MAP3K20: variants seen among roughly 807,000 people sequenced by gnomAD.
MAP3K20 encodes the protein HCCS-4.
In MAP3K20, 40 loss-of-function variants were observed where a neutral mutation model predicts 85.7. The ratio of observed to expected loss-of-function variants is 0.47; its 90% CI spans 0.36 to 0.61. The LOEUF is 0.61. MAP3K20 is among the 20% of genes least tolerant of loss of function. The probability of loss-of-function intolerance (pLI) is 0.00; values close to 1 mark genes in which losing one functional copy is unlikely to be tolerated. For missense variants in MAP3K20, 817 were observed against 961.7 expected (o/e 0.85, Z 1.99); for synonymous variants, 325 against 327.7 (o/e 0.99, Z 0.09).
chr2:173,254,130 A>G (rs1685104089), intron 16 of MAP3K20, among the ~76,000 whole-genome samples: 2 of 150,360 alleles, frequency 1.3e-5, no homozygotes, highest in Non-Finnish European at 3.0e-5. Flanking sequence ...ATCAGAGTCC[A>G]CTAGGCCAGG....
intron 2 of MAP3K20, among the ~76,000 whole-genome samples, chr2:173,117,665 A>G (rs1688164778): frequency 6.6e-6 from 1 of 152,194 alleles, no homozygotes; most frequent in Admixed American, 6.5e-5. Context: ...ATTACACAGT[A>G]TAGAATAGAA....
chr2:173,196,644 G>C (rs376762976), intron 7 of MAP3K20, among the ~76,000 whole-genome samples: 1 of 152,148 alleles, frequency 6.6e-6, no homozygotes, highest in East Asian at 1.9e-4. Flanking sequence ...CTGAGCACTG[G>C]CTGAGGAAAT....
chr2:173,238,675 TAGG>T (rs937318255), intron 15 of MAP3K20, among the ~76,000 whole-genome samples: 29 of 152,234 alleles, frequency 1.9e-4, no homozygotes, highest in Admixed American at 1.3e-4. Context: ...CTTTAGTGGC[TAGG>T]AGTTGTAAGT....
At chr2:173,254,661 A>G (rs535467572) in intron 16 of MAP3K20, among the ~76,000 whole-genome samples, 1 of 152,262 alleles carries the variant, frequency 6.6e-6, no homozygotes, top group Non-Finnish European at 1.5e-5. Flanking sequence ...ATGGCATCTC[A>G]ATGTCTGCAG....
chr2:173,153,129 T>C (rs1375184041), intron 2 of MAP3K20, among the ~76,000 whole-genome samples: 1 of 152,170 alleles, frequency 6.6e-6, no homozygotes, highest in Non-Finnish European at 1.5e-5. Context: ...CAGTTAGTAA[T>C]AGGATTTGAA....
At chr2:173,124,091 A>G (rs1380225610) in intron 2 of MAP3K20, among the ~76,000 whole-genome samples, 1 of 152,174 alleles carries the variant, frequency 6.6e-6, no homozygotes, top group African/African-American at 2.4e-5. Context: ...ACTTTATGCC[A>G]TGGATTACCA....
chr2:173,103,940 A>G (rs1392272744), intron 2 of MAP3K20, among the ~76,000 whole-genome samples: 1 of 152,232 alleles, frequency 6.6e-6, no homozygotes, highest in East Asian at 1.9e-4. Context: ...TTGAGTATTT[A>G]TTACATGCTA....
At chr2:173,265,229 G>A (rs1349988036) in intron 19 of MAP3K20, among the ~76,000 whole-genome samples, 1 of 152,232 alleles carries the variant, frequency 6.6e-6, no homozygotes, top group Admixed American at 6.5e-5. Context: ...TGGAGTAGCT[G>A]AGGAAGCTGA....
At chr2:173,085,668 T>C (rs1687123570) in intron 1 of MAP3K20, among the ~76,000 whole-genome samples, 1 of 152,050 alleles carries the variant, frequency 6.6e-6, no homozygotes, top group Admixed American at 6.6e-5. Flanking sequence ...TATTGTATGG[T>C]AGATACTTAA....
chr2:173,111,131 G>A (rs750900767), intron 2 of MAP3K20, among the ~76,000 whole-genome samples: 5 of 152,268 alleles, frequency 3.3e-5, no homozygotes, highest in African/African-American at 1.2e-4. Context: ...ATTCTTGCAG[G>A]AGTGAGGTGA....
chr2:173,092,321 A>G (rs1475273827), intron 2 of MAP3K20, among the ~76,000 whole-genome samples: 1 of 152,234 alleles, frequency 6.6e-6, no homozygotes, highest in East Asian at 1.9e-4. Flanking sequence ...GGTATGAGAA[A>G]GTCACTTTCC....
In MAP3K20 at chr2:173,118,193, G is replaced by A. The variant is rs989069520; in HGVS notation, c.159+27003G>A. 9.9e-5 allele frequency among the ~76,000 whole-genome samples: 15 copies of A among 152,132 alleles called. No homozygotes were observed. The East Asian group carries it at 2.5e-3, about 25-fold the overall frequency. On this transcript the variant is annotated intron_variant, in intron 2 of 19. Coordinates refer to ENST00000375213, the MANE Select transcript of MAP3K20 (RefSeq NM_016653.3). ...TGTAATTCCATTTTCCTCCAATCAC[G>A]TTAGGTTATTTTCTTAGTTTGTTGT...
Position 173,263,800 on chromosome 2 carries a change from GA to G in MAP3K20, c.1609del (p.Thr537GlnfsTer7). On this transcript the variant is annotated frameshift_variant, in exon 19 of 20. Transcript: ENST00000375213. LOFTEE classifies it high-confidence loss of function. ...CATGTCCATTCGATTCAGTGGAGTA[GA>G]ACAAAACCTCAGGATGAAGTGAAAG... Reference protein sequence around the residue: ...TKHVHSIQWSRTKPQDEVKAV... With the variant: ...TKHVHSIQWSXTKPQDEVKAV... The G allele has an allele frequency of 6.2e-7, 1 of 1,613,594 alleles. No homozygotes were observed. The highest frequency in any genetic ancestry group is 8.5e-7 in the Non-Finnish European group (1 of 1,179,910).
intron 2 of MAP3K20, among the ~76,000 whole-genome samples, chr2:173,103,995 C>G (rs1426531463): frequency 6.6e-6 from 1 of 152,064 alleles, no homozygotes; most frequent in African/African-American, 2.4e-5. Flanking sequence ...ATAAAAGATA[C>G]AAGGATTCAT....
intron 15 of MAP3K20, among the ~76,000 whole-genome samples, chr2:173,239,114 A>G (rs530804483): frequency 1.3e-4 from 20 of 152,302 alleles, no homozygotes; most frequent in African/African-American, 4.3e-4. Flanking sequence ...TCTAGGTGCT[A>G]AGTGCATTTC....
chr2:173,203,973 C>A, intron 9 of MAP3K20, 103 bp downstream of exon 9: 1 of 1,056,800 alleles, frequency 9.5e-7, no homozygotes. Flanking sequence ...CAAAGCAAAG[C>A]TGGATTGATG....
intron 7 of MAP3K20, among the ~76,000 whole-genome samples, chr2:173,195,586 C>T (rs1342951932): frequency 6.6e-6 from 1 of 152,152 alleles, no homozygotes; most frequent in Non-Finnish European, 1.5e-5. Context: ...TTTTAGACCT[C>T]CAAGTGACTT....
chr2:173,178,438 G>A (rs1276235800), intron 3 of MAP3K20, among the ~76,000 whole-genome samples: 1 of 152,156 alleles, frequency 6.6e-6, no homozygotes, highest in Admixed American at 6.5e-5. Context: ...GAGGCCAGGA[G>A]TTCGAGACCA....
intron 9 of MAP3K20, among the ~76,000 whole-genome samples, chr2:173,204,891 C>T (rs993159573): frequency 6.6e-6 from 1 of 152,082 alleles, no homozygotes; most frequent in Non-Finnish European, 1.5e-5. Flanking sequence ...ATCATGAGGT[C>T]AGGAGATCGA....
Sources: allele counts gnomAD v4.1 joint callset (sites outside exome capture counted in the v4.1 genomes callset), GRCh38; gene constraint gnomAD v4.1.1; transcripts MANE v1.5; gene names NCBI Gene and HGNC (gene_info 2026-07-23, HGNC 2026-07-21).